The following CACNA1A variants were observed in gnomAD, a reference collection of about 807,000 sequenced individuals.
The protein encoded by CACNA1A is voltage-dependent P/Q-type calcium channel subunit alpha-1A.
CACNA1A carries 57 observed loss-of-function variants against 262.4 expected under a neutral mutation model. The ratio of observed to expected loss-of-function variants is 0.22; its 90% CI spans 0.18 to 0.27. The LOEUF (loss-of-function observed/expected upper bound fraction) is 0.27, where lower values mean the gene tolerates loss of function less well. Among genes scored for constraint, CACNA1A ranks in the 10% least tolerant of loss-of-function variants. The pLI, the probability that CACNA1A is intolerant of heterozygous loss-of-function variation, is 1.00. For missense variants in CACNA1A, 2,526 were observed against 3,562.8 expected (o/e 0.71, Z 7.41); for synonymous variants, 1,431 against 1,419.3 (o/e 1.01, Z -0.18).
chr19:13,474,167 G>A (rs563405043), intron 1 of CACNA1A, among the ~76,000 whole-genome samples: 19 of 152,312 alleles, frequency 1.2e-4, no homozygotes, highest in Admixed American at 5.2e-4. Context: ...AACACCCAGC[G>A]CAGACAGAAC....
At chr19:13,352,329 C>T (rs991088824) in intron 6 of CACNA1A, among the ~76,000 whole-genome samples, 10 of 151,412 alleles carry the variant, frequency 6.6e-5, no homozygotes, top group Admixed American at 4.0e-4. Context: ...ATTGCTTGAA[C>T]CCCAGAGGTG....
At chr19:13,237,042 C>T (rs1366960143) in intron 31 of CACNA1A, among the ~76,000 whole-genome samples, 1 of 152,092 alleles carries the variant, frequency 6.6e-6, no homozygotes, top group Non-Finnish European at 1.5e-5. Flanking sequence ...AGATTTTGCC[C>T]ACCAATCTGG....
chr19:13,235,209 C>T lies in CACNA1A; in HGVS notation c.5133G>A (p.Gln1711=), dbSNP rs2055833461. 3 of 1,606,446 alleles carry T rather than the reference C, an allele frequency of 1.9e-6. No homozygotes were observed. Among genetic ancestry groups the T allele is most frequent in the African/African-American group, 1.3e-5 (1 of 74,772 alleles). Reference sequence around the variant, plus strand: ...GGAACCTTAGGGACACGACACTCACCTGCATCCCAATGATGGCATAGATGA... The same window carrying T: ...GGAACCTTAGGGACACGACACTCACTTGCATCCCAATGATGGCATAGATGA... ...LFFIYAIIGM[Q]VFGNIGIDVE... Residue 1711 remains glutamine (Q), a splice_region_variant and synonymous_variant, in exon 33 of 47, where the codon CAG becomes CAA. Coordinates refer to ENST00000360228, the MANE Select transcript of CACNA1A (RefSeq NM_001127222.2).
At position 13,277,245 on chromosome 19, in the gene CACNA1A, C is replaced by T. The variant is rs1288520358; in HGVS notation, c.3823-117G>A. 1.6e-5 allele frequency: 11 copies of T among 680,506 alleles called. No homozygotes were observed. In the East Asian group the frequency reaches 3.0e-4, roughly 19 times the overall value. 42.2% of individuals were successfully genotyped at this position (680,506 alleles called of 1,614,324 possible). Reference sequence around the variant, plus strand: ...TTTCTACCCAGAAGAGGAAACACAGCTGCTATATACAGTTGCGCAGGGCGT... The same window carrying T: ...TTTCTACCCAGAAGAGGAAACACAGTTGCTATATACAGTTGCGCAGGGCGT... On this transcript the variant is annotated intron_variant, in intron 22 of 46. Coordinates refer to ENST00000360228, the MANE Select transcript of CACNA1A (RefSeq NM_001127222.2).
rs1036181775 is a variant in CACNA1A at position 13,506,253 on chromosome 19, C to T, written c.-29G>A. 29 of 1,417,190 alleles carry T rather than the reference C, an allele frequency of 2.0e-5. No homozygotes were observed. The African/African-American group carries it at 3.6e-4, about 18-fold the overall frequency. 87.8% of individuals were successfully genotyped at this position (1,417,190 alleles called of 1,614,324 possible). A position where few individuals can be genotyped will look rare whatever the true frequency, so the allele number is the denominator to read the frequency against. On this transcript the variant is annotated 5_prime_UTR_variant, in exon 1 of 47. Transcript: ENST00000360228. The stretch of plus-strand genomic sequence containing the variant: ...GCAAAGAGCAAAGGGCTCCGGGTTA[C>T]GCTGCGGCGAACGATGCGGAAGACG...
intron 2 of CACNA1A, among the ~76,000 whole-genome samples, chr19:13,454,207 G>C (rs149593938): frequency 6.6e-6 from 1 of 151,888 alleles, no homozygotes; most frequent in Non-Finnish European, 1.5e-5. Flanking sequence ...CCAGAGGTTG[G>C]GGGGTGGGGC....
At chr19:13,225,814 C>T (rs1201532796) in intron 37 of CACNA1A, 1 of 152,064 alleles carries the variant, frequency 6.6e-6, no homozygotes. Context: ...GCACAAAGGG[C>T]TCCCATCTTG....
intron 9 of CACNA1A, among the ~76,000 whole-genome samples, chr19:13,331,630 A>C (rs2145120987): frequency 6.6e-6 from 1 of 152,112 alleles, no homozygotes; most frequent in East Asian, 1.9e-4. Flanking sequence ...TATTGCTGTT[A>C]TTATTATATT....
intron 31 of CACNA1A, among the ~76,000 whole-genome samples, chr19:13,238,394 G>C (rs771011914): frequency 6.6e-6 from 1 of 152,048 alleles, no homozygotes; most frequent in Non-Finnish European, 1.5e-5. Context: ...TGCTCAGAAG[G>C]ATATGGAGAC....
chr19:13,278,485 AC>A (rs1162610216), intron 22 of CACNA1A, among the ~76,000 whole-genome samples: 1 of 152,104 alleles, frequency 6.6e-6, no homozygotes, highest in Admixed American at 6.6e-5. Context: ...GACTCCCCTG[AC>A]CGGCTGTTTA....
Position 13,419,981 on chromosome 19 carries a change from G to A in CACNA1A, c.539+32895C>T, listed in dbSNP as rs558393795. Among the ~76,000 whole-genome samples, 57 of 151,942 alleles carry A rather than the reference G, an allele frequency of 3.8e-4. 1 individual carries two copies. In the East Asian group the frequency reaches 1.0e-2, roughly 27 times the overall value. ...GACACCTGTACTCCTAGCCACTCAG[G>A]AGACTGAGGCAGGAGAATCACTTGT... On this transcript the variant is annotated intron_variant, in intron 3 of 46. Transcript: ENST00000360228.
intron 38 of CACNA1A, among the ~76,000 whole-genome samples, chr19:13,217,927 CTTTTTTTT>C (rs33920209): frequency 1.1e-5 from 1 of 91,528 alleles, no homozygotes; most frequent in East Asian, 3.4e-4. Flanking sequence ...ATAGTTCATT[CTTTTTTTT>C]TTTTTTTTTT....
At chr19:13,422,756 A>G (rs530845447) in intron 3 of CACNA1A, among the ~76,000 whole-genome samples, 155 of 152,310 alleles carry the variant, frequency 1.0e-3, no homozygotes, top group Admixed American at 4.0e-3. Flanking sequence ...CTGAGCCCCA[A>G]TAAAAACCCT....
At chr19:13,482,848 TTGTGTGTGTGTGTGTGTGTGTGTGTG>T (rs34754803) in intron 1 of CACNA1A, among the ~76,000 whole-genome samples, 2 of 134,016 alleles carry the variant, frequency 1.5e-5, no homozygotes, top group African/African-American at 2.8e-5. Context: ...TTCTCTCAAC[TTGTGTGTGTGTGTGTGTGTGTGTGTG>T]TGTGTGTGTG....
intron 3 of CACNA1A, chr19:13,451,958 T>C (rs1042552009): frequency 1.3e-5 from 2 of 152,110 alleles, no homozygotes; most frequent in African/African-American, 4.8e-5. Context: ...CTCAAGCAAT[T>C]CTCCCAGGCA....
rs1288168255 is a variant in CACNA1A, at chr19:13,214,689, C to G, written c.5732-81G>C. ...TGGGTCAGCTGCAAAGCCATAGGCT[C>G]CCGAGAACGAGACCCCAATCTTTCT... On this transcript the variant is annotated intron_variant, in intron 38 of 46. Coordinates refer to ENST00000360228, the MANE Select transcript of CACNA1A (RefSeq NM_001127222.2). This position sits in a 1 kb window ranked among gnomAD's most constrained non-coding sequence, Gnocchi z 4.1. 2.5e-5 allele frequency: 27 copies of G among 1,092,872 alleles called. No individual in the cohort carries two copies. Among genetic ancestry groups the G allele is most frequent in the Non-Finnish European group, 3.4e-5 (25 of 731,830 alleles). The allele number at this position is 1,092,872 out of a possible 1,614,324, so 67.7% of individuals were successfully genotyped here. A position where few individuals can be genotyped will look rare whatever the true frequency, so the allele number is the denominator to read the frequency against.
intron 5 of CACNA1A, chr19:13,365,068 C>G (rs2059183093): frequency 3.0e-6 from 1 of 333,650 alleles, no homozygotes; most frequent in East Asian, 4.7e-5. Flanking sequence ...CCTCATTCCC[C>G]CGATGGTGCT....
At chr19:13,500,969 C>T (rs185683984) in intron 1 of CACNA1A, among the ~76,000 whole-genome samples, 17 of 152,116 alleles carry the variant, frequency 1.1e-4, no homozygotes, top group East Asian at 1.9e-4. Context: ...ATATGACCTT[C>T]GGCAAAAGGC....
intron 12 of CACNA1A, among the ~76,000 whole-genome samples, chr19:13,309,914 C>T (rs73922374): frequency 0.012 from 1,785 of 152,234 alleles, 34 homozygotes; most frequent in African/African-American, 0.041. Flanking sequence ...TCACCTCTAT[C>T]AAGTTCCAAA....
Sources: gnomAD v4.1 joint callset for allele counts (sites outside exome capture counted in the v4.1 genomes callset) on GRCh38, gnomAD v4.1.1 for gene constraint, Gnocchi (gnomAD v3.1) non-coding constraint, MANE v1.5 for transcripts, NCBI Gene and HGNC (gene_info 2026-07-23, HGNC 2026-07-21) for gene names.